Variants in PHLDA1 observed in about 807,000 individuals in gnomAD.
PHLDA1 encodes the protein pleckstrin homology like domain family A member 1.
A neutral mutation model predicts 33.8 loss-of-function variants in PHLDA1; 28 were observed. That is an observed-to-expected ratio of 0.83 (90% CI 0.61 to 1.14). The LOEUF (loss-of-function observed/expected upper bound fraction) is 1.14, where lower values mean the gene tolerates loss of function less well. PHLDA1 is among the 50% of genes most tolerant of loss of function. The pLI, the probability that PHLDA1 is intolerant of heterozygous loss-of-function variation, is 0.00. For synonymous variants in PHLDA1, 271 were observed against 243.6 expected, an observed-to-expected ratio of 1.11 and a Z score of -1.05; for missense variants, 595 against 548.6, an observed-to-expected ratio of 1.08 and a Z score of -0.84.
At chr12:76,030,169 G>T in intron 1 of PHLDA1, 77 bp from the exon 2 acceptor site, 1 of 326,464 alleles carries the variant, frequency 3.1e-6, no homozygotes. Context: ...CAGTCCGCCT[G>T]ACAAAGCGGG....
exon 2 of PHLDA1, chr12:76,028,371 G>A (rs1418498941): frequency 6.6e-6 from 1 of 152,146 alleles, no homozygotes; most frequent in East Asian, 1.9e-4. Flanking sequence ...AGTTTTGTTT[G>A]CCATTAGCTT....
At chr12:76,029,071 C>T (rs1306664103) in exon 2 of PHLDA1, 2 of 152,150 alleles carry the variant, frequency 1.3e-5, no homozygotes, top group Non-Finnish European at 2.9e-5. Context: ...ACAAATTGTA[C>T]TTTAAACAAC....
chr12:76,026,561 A>G (rs1870777949), exon 2 of PHLDA1: 1 of 152,226 alleles, frequency 6.6e-6, no homozygotes, highest in African/African-American at 2.4e-5. Flanking sequence ...CAGTGTTTAC[A>G]TGTGAGGGAA....
chr12:76,031,390 G>A lies in PHLDA1; in HGVS notation c.352C>T (p.Leu118=), dbSNP rs1870906120. ...CCAGCCGCGCGGGCCGGGGGCAGCA[G>A]CAGCAGCCTCGCGCCGTCCTCGCCC... The change falls in exon 1 of 2, where the codon CTG becomes TTG. Residue 118 remains leucine, a synonymous_variant. Coordinates refer to ENST00000266671, the Ensembl canonical transcript of PHLDA1. The surrounding 1 kb of genome is among the most constrained non-coding windows in gnomAD (Gnocchi z 5.4). 6.2e-7 allele frequency: 1 copy of A among 1,600,482 alleles called. No homozygotes were observed.
rs775297950 is a variant in PHLDA1, at chr12:76,031,495, G to C, written c.247C>G (p.Pro83Ala). 5.8e-5 allele frequency: 88 copies of C among 1,521,066 alleles called. No homozygotes were observed. The highest frequency in any genetic ancestry group is 8.8e-7 in the Non-Finnish European group (1 of 1,137,154). The allele number at this position is 1,521,066 out of a possible 1,614,324, so 94.2% of individuals were successfully genotyped here. A position where few individuals can be genotyped will look rare whatever the true frequency, so the allele number is the denominator to read the frequency against. ...AGGCAGAGCGGCGGCGGCGGCTCTG[G>C]GTCCCGGCAGAGGGACAGCCGCGTC... Residue 83 changes from proline (P) to alanine (A), a missense_variant, in exon 1 of 2, where the codon CCA (proline) becomes GCA (alanine). Pro to Ala is a conservative substitution (Grantham distance 27). Around this residue, in one of 3 missense-constraint regions of PHLDA1, gnomAD observed 263 missense variants for 232.3 expected, o/e 1.13. Transcript: ENST00000266671. The surrounding 1 kb of genome is among the most constrained non-coding windows in gnomAD (Gnocchi z 5.4).
In PHLDA1 at chr12:76,031,382, G is replaced by A. The variant is rs773359832; in HGVS notation, c.360C>T (p.Pro120=). Residue 120 remains proline (P), a synonymous_variant, in exon 1 of 2, where the codon CCC becomes CCT. Transcript: ENST00000266671. This position sits in a 1 kb window ranked among gnomAD's most constrained non-coding sequence, Gnocchi z 5.4. ...CTCCGTTTCCAGCCGCGCGGGCCGGGGGCAGCAGCAGCAGCCTCGCGCCGT... is the reference window on the plus strand; with the variant it reads ...CTCCGTTTCCAGCCGCGCGGGCCGGAGGCAGCAGCAGCAGCCTCGCGCCGT... 8.7e-6 allele frequency: 14 copies of A among 1,605,408 alleles called. No individual in the cohort carries two copies. The highest frequency in any genetic ancestry group is 1.1e-5 in the Non-Finnish European group (13 of 1,176,852).
At chr12:76,025,993 G>A (rs61623415) in exon 2 of PHLDA1, 2 of 152,146 alleles carry the variant, frequency 1.3e-5, no homozygotes, top group African/African-American at 2.4e-5. Flanking sequence ...GCCCAACCGT[G>A]CAAGTCAATA....
At chr12:76,029,095 G>A (rs1870834420) in exon 2 of PHLDA1, 1 of 152,208 alleles carries the variant, frequency 6.6e-6, no homozygotes, top group Non-Finnish European at 1.5e-5. Flanking sequence ...ATTTTTCAGT[G>A]TGCTTCTAAA....
Position 76,031,400 on chromosome 12 carries a change from C to T in PHLDA1, c.342G>A (p.Ala114=), listed in dbSNP as rs1344028276. ...GGGCCGGGGGCAGCAGCAGCAGCCT[C>T]GCGCCGTCCTCGCCCCAGCGGCTCC... Residue 114 remains alanine, a synonymous_variant, in exon 1 of 2, where the codon GCG becomes GCA. Transcript: ENST00000266671. The surrounding 1 kb of genome is among the most constrained non-coding windows in gnomAD (Gnocchi z 5.4). The T allele has an allele frequency of 6.3e-7, 1 of 1,590,504 alleles. No homozygotes were observed. Among genetic ancestry groups the T allele is most frequent in the South Asian group, 1.1e-5 (1 of 88,466 alleles).
chr12:76,031,474 A>C lies in PHLDA1; in HGVS notation c.268T>G (p.Cys90Gly). 6.5e-7 allele frequency: 1 copy of C among 1,528,136 alleles called. No individual in the cohort carries two copies. The highest frequency in any genetic ancestry group is 8.8e-7 in the Non-Finnish European group (1 of 1,139,696). 94.7% of individuals were successfully genotyped at this position (1,528,136 alleles called of 1,614,324 possible). A position where few individuals can be genotyped will look rare whatever the true frequency, so the allele number is the denominator to read the frequency against. ...CAGAGGAGGCTAACACGCAGGAGGC[A>C]GAGCGGCGGCGGCGGCTCTGGGTCC... Residue 90 changes from cysteine to glycine, a missense_variant, in exon 1 of 2, where the codon TGC becomes GGC. Coordinates refer to ENST00000266671, the Ensembl canonical transcript of PHLDA1. This position sits in a 1 kb window ranked among gnomAD's most constrained non-coding sequence, Gnocchi z 5.4.
rs1870901902 is a variant in PHLDA1 at position 76,031,271 on chromosome 12, C to G, written c.471G>C (p.Glu157Asp). The change falls in exon 1 of 2, where the codon GAG (glutamate) becomes GAC (aspartate). Residue 157 changes from glutamate to aspartate, a missense_variant. This residue lies in a region of PHLDA1 where 263 missense variants were observed against 232.3 expected (regional missense o/e 1.13). Coordinates refer to ENST00000266671, the Ensembl canonical transcript of PHLDA1. The surrounding 1 kb of genome is among the most constrained non-coding windows in gnomAD (Gnocchi z 5.4). ...GCTGCAACAACCCGTCGCTGCGCTTCTCCAGCACGCCCTCCTTCAGCGCTT... is the reference window on the plus strand; with the variant it reads ...GCTGCAACAACCCGTCGCTGCGCTTGTCCAGCACGCCCTCCTTCAGCGCTT... The G allele has an allele frequency of 6.2e-7, 1 of 1,613,758 alleles. No individual in the cohort carries two copies. The highest frequency in any genetic ancestry group is 1.7e-5 in the Admixed American group (1 of 60,006).
chr12:76,031,448 G>T lies in PHLDA1; in HGVS notation c.294C>A (p.Cys98Ter). The T allele has an allele frequency of 1.3e-6, 2 of 1,540,278 alleles. No individual in the cohort carries two copies. Among genetic ancestry groups the T allele is most frequent in the Non-Finnish European group, 1.7e-6 (2 of 1,144,940 alleles). Residue 98 changes from cysteine to a stop codon, truncating the protein, a stop_gained, in exon 1 of 2, where the codon TGC becomes TGA. Coordinates refer to ENST00000266671, the Ensembl canonical transcript of PHLDA1. LOFTEE classifies it high-confidence loss of function. The surrounding 1 kb of genome is among the most constrained non-coding windows in gnomAD (Gnocchi z 5.4). Reference sequence around the variant, plus strand: ...TCCCACGGCCGCCTGCCCGGAGCGCGCAGAGGAGGCTAACACGCAGGAGGC... The same window carrying T: ...TCCCACGGCCGCCTGCCCGGAGCGCTCAGAGGAGGCTAACACGCAGGAGGC...
chr12:76,030,419 C>T (rs1870865226), intron 1 of PHLDA1, 91 bp downstream of exon 1: 1 of 988,020 alleles, frequency 1.0e-6, no homozygotes, highest in Non-Finnish European at 1.5e-6. Context: ...TTTCTCCATA[C>T]AGGAGCCGAA....
chr12:76,025,574 A>C (rs1323086320), exon 2 of PHLDA1: 1 of 152,250 alleles, frequency 6.6e-6, no homozygotes, highest in Admixed American at 6.5e-5. Context: ...TAAAAAATTC[A>C]TGAATGTGAT....
At chr12:76,026,452 C>T (rs1211155224) in exon 2 of PHLDA1, 3 of 152,106 alleles carry the variant, frequency 2.0e-5, no homozygotes, top group Non-Finnish European at 2.9e-5. Flanking sequence ...AAAATTAGGG[C>T]TTTCTCTTAA....
rs1029890052 is a variant in PHLDA1 at position 76,031,412 on chromosome 12, G to T, written c.330C>A (p.Gly110=). Residue 110 remains glycine, a synonymous_variant, in exon 1 of 2, where the codon GGC becomes GGA. Transcript: ENST00000266671. The surrounding 1 kb of genome is among the most constrained non-coding windows in gnomAD (Gnocchi z 5.4). ...GCAGCAGCAGCCTCGCGCCGTCCTC[G>T]CCCCAGCGGCTCCCACGGCCGCCTG... The T allele has an allele frequency of 4.5e-6, 7 of 1,569,554 alleles. No individual in the cohort carries two copies. Among genetic ancestry groups the T allele is most frequent in the South Asian group, 1.2e-5 (1 of 86,442 alleles).
chr12:76,029,250 C>CA (rs1428759464), exon 2 of PHLDA1: 1 of 152,150 alleles, frequency 6.6e-6, no homozygotes, highest in African/African-American at 2.4e-5. Flanking sequence ...TGAAATGAAA[C>CA]AGCAAATGCA....
chr12:76,030,805 G>T, exon 1 of PHLDA1: 1 of 1,529,648 alleles, frequency 6.5e-7, no homozygotes, highest in Non-Finnish European at 8.9e-7. Flanking sequence ...TGCGGCTGCG[G>T]CTGCGGCTGC....
chr12:76,026,544 T>G (rs564811009), exon 2 of PHLDA1: 1 of 152,312 alleles, frequency 6.6e-6, no homozygotes, highest in South Asian at 2.1e-4. Context: ...TAATCCAGAC[T>G]TCCTAACAGT....
Sources: gnomAD v4.1 joint callset for allele counts on GRCh38, gnomAD v4.1.1 for gene constraint, gnomAD v4.1.1 regional missense constraint, Gnocchi (gnomAD v3.1) non-coding constraint, MANE v1.5 for transcripts, NCBI Gene and HGNC (gene_info 2026-07-23, HGNC 2026-07-21) for gene names.